SMCO4: variants seen among roughly 807,000 people sequenced by gnomAD.
SMCO4 encodes single-pass membrane and coiled-coil domain-containing protein 4.
A neutral mutation model predicts 3.6 loss-of-function variants in SMCO4; 4 were observed. The ratio of observed to expected loss-of-function variants is 1.11; its 90% CI spans 0.54 to 2.53. SMCO4 has a LOEUF of 2.53. Ranked by LOEUF, SMCO4 falls within the 30% of genes most tolerant of loss-of-function variation. The pLI is 0.02. For synonymous variants in SMCO4, 36 were observed against 35.3 expected (o/e 1.02, Z -0.07); for missense variants, 70 against 80.8 (o/e 0.87, Z 0.51).
At chr11:93,541,494 T>C (rs991447987) in intron 1 of SMCO4, among the ~76,000 whole-genome samples, 2 of 152,104 alleles carry the variant, frequency 1.3e-5, no homozygotes, top group East Asian at 1.9e-4. Flanking sequence ...TATAATATTA[T>C]GCAATGAGAG....
At chr11:93,535,861 T>C (rs1377287867) in intron 1 of SMCO4, 12 of 1,605,412 alleles carry the variant, frequency 7.5e-6, no homozygotes, top group South Asian at 5.6e-5. Flanking sequence ...AACCACTGAA[T>C]TGCTATTTTT....
chr11:93,495,464 G>A (rs909217541), intron 2 of SMCO4, among the ~76,000 whole-genome samples: 3 of 152,048 alleles, frequency 2.0e-5, no homozygotes, highest in Non-Finnish European at 2.9e-5. Flanking sequence ...ACACACACAG[G>A]AGTAAAGCTC....
chr11:93,487,110 CAT>C (rs949803061), intron 2 of SMCO4, among the ~76,000 whole-genome samples: 1 of 152,170 alleles, frequency 6.6e-6, no homozygotes, highest in African/African-American at 2.4e-5. Context: ...TTCAGGGAGA[CAT>C]AAATTCTGCA....
At chr11:93,539,916 C>T (rs1298678139) in intron 1 of SMCO4, among the ~76,000 whole-genome samples, 2 of 151,810 alleles carry the variant, frequency 1.3e-5, no homozygotes, top group Non-Finnish European at 2.9e-5. Flanking sequence ...CAGCTAGAAC[C>T]CCCTGAATTC....
the SMCO4 span, among the ~76,000 whole-genome samples, chr11:93,551,780 A>G: frequency 6.6e-6 from 1 of 152,334 alleles, no homozygotes; most frequent in South Asian, 2.1e-4. Context: ...TTCAGCATTT[A>G]GTAGTGTACT....
At position 93,479,219 on chromosome 11, in the gene SMCO4, C is replaced by T. The variant is rs1303966885; in HGVS notation, c.-30G>A. 2 of 1,600,388 alleles carry T rather than the reference C, an allele frequency of 1.2e-6. No homozygotes were observed. The highest frequency in any genetic ancestry group is 2.2e-5 in the East Asian group (1 of 44,658). On this transcript the variant is annotated 5_prime_UTR_variant, in exon 3 of 3. Coordinates refer to ENST00000298966, the MANE Select transcript of SMCO4 (RefSeq NM_020179.3). The stretch of plus-strand genomic sequence containing the variant: ...CCTAGAGGATGCTAGGAGGGTGTGT[C>T]CAGAGGGATTCCAGGAAGGGCCACA...
At chr11:93,535,866 A>G (rs1393923898) in intron 1 of SMCO4, 2 of 1,606,792 alleles carry the variant, frequency 1.2e-6, no homozygotes, top group Middle Eastern at 1.7e-4. Flanking sequence ...CTGAATTGCT[A>G]TTTTTTCCTT....
chr11:93,495,875 GA>G (rs564093692), intron 2 of SMCO4, among the ~76,000 whole-genome samples: 1 of 152,148 alleles, frequency 6.6e-6, no homozygotes, highest in Non-Finnish European at 1.5e-5. Flanking sequence ...ACACCTTTGA[GA>G]GCCTGAGTTA....
chr11:93,544,433 C>T (rs1949299884), upstream of SMCO4, among the ~76,000 whole-genome samples: 1 of 152,198 alleles, frequency 6.6e-6, no homozygotes, highest in Non-Finnish European at 1.5e-5. Flanking sequence ...AAAAATATAA[C>T]AAGTCTTGGG....
chr11:93,492,831 T>C (rs1429317873), intron 2 of SMCO4, among the ~76,000 whole-genome samples: 2 of 152,362 alleles, frequency 1.3e-5, no homozygotes, highest in Non-Finnish European at 2.9e-5. Flanking sequence ...AAACACACTG[T>C]GCACTCTCAA....
rs139001709 is a variant in SMCO4 at position 93,532,245 on chromosome 11, G to A, written c.-154+11031C>T. ...TTATAAGAAAACAGAGACACACACC[G>A]TAATGGTTAATTTTAGATGTCAACT... On this transcript the variant is annotated intron_variant, in intron 1 of 2. Transcript: ENST00000298966. 7.2e-5 allele frequency among the ~76,000 whole-genome samples: 11 copies of A among 152,276 alleles called. No individual in the cohort carries two copies. The East Asian group carries it at 1.5e-3, about 21-fold the overall frequency.
the SMCO4 span, among the ~76,000 whole-genome samples, chr11:93,553,347 A>C: frequency 1.3e-5 from 2 of 152,192 alleles, no homozygotes. Flanking sequence ...TCTATGGCTG[A>C]AAATGGATTA....
intron 1 of SMCO4, among the ~76,000 whole-genome samples, chr11:93,522,722 A>T (rs1443814261): frequency 6.6e-6 from 1 of 152,204 alleles, no homozygotes; most frequent in Admixed American, 6.5e-5. Context: ...CTGATGAGAG[A>T]GTGTCTGATG....
intron 1 of SMCO4, among the ~76,000 whole-genome samples, chr11:93,539,167 T>G (rs760831987): frequency 6.6e-6 from 1 of 152,154 alleles, no homozygotes; most frequent in Non-Finnish European, 1.5e-5. Flanking sequence ...GAATCCAAGT[T>G]CTAAAGAGCC....
chr11:93,526,218 C>A (rs1244149505), intron 1 of SMCO4, among the ~76,000 whole-genome samples: 1 of 152,086 alleles, frequency 6.6e-6, no homozygotes, highest in African/African-American at 2.4e-5. Context: ...CCCTCCCCTC[C>A]CCAGGGGCAG....
chr11:93,481,293 A>C, intron 2 of SMCO4: 1 of 229,910 alleles, frequency 4.3e-6, no homozygotes. Context: ...AAACAAATGC[A>C]TCTGTACCCA....
chr11:93,527,485 G>A (rs527979950), intron 1 of SMCO4, among the ~76,000 whole-genome samples: 1 of 152,130 alleles, frequency 6.6e-6, no homozygotes, highest in Non-Finnish European at 1.5e-5. Context: ...TTGAGACATG[G>A]TCTCACTGTC....
At chr11:93,493,691 G>A (rs1337000007) in intron 2 of SMCO4, among the ~76,000 whole-genome samples, 1 of 152,156 alleles carries the variant, frequency 6.6e-6, no homozygotes, top group Non-Finnish European at 1.5e-5. Flanking sequence ...ATAGGACCTG[G>A]CTTTCAACAT....
chr11:93,520,958 T>C (rs140477767), intron 1 of SMCO4, among the ~76,000 whole-genome samples: 1,535 of 152,354 alleles, frequency 0.01, 11 homozygotes, highest in Admixed American at 0.014. Flanking sequence ...CCACTAAAAT[T>C]ATCACTGTGT....
Sources: gnomAD v4.1 joint callset for allele counts (sites outside exome capture counted in the v4.1 genomes callset) on GRCh38, gnomAD v4.1.1 for gene constraint, MANE v1.5 for transcripts, NCBI Gene and HGNC (gene_info 2026-07-23, HGNC 2026-07-21) for gene names.